NR3C2: variants seen among roughly 807,000 people sequenced by gnomAD.
The protein encoded by NR3C2 is mineralocorticoid receptor.
A neutral mutation model predicts 86.4 loss-of-function variants in NR3C2; 15 were observed. The ratio of observed to expected loss-of-function variants is 0.17; its 90% CI spans 0.12 to 0.27. NR3C2 has a LOEUF of 0.27. Among genes scored for constraint, NR3C2 ranks in the 10% least tolerant of loss-of-function variants. The probability of loss-of-function intolerance (pLI) is 1.00; values close to 1 mark genes in which losing one functional copy is unlikely to be tolerated. For synonymous variants in NR3C2, 458 were observed against 450.5 expected (o/e 1.02, Z -0.21); for missense variants, 960 against 1,195.6 (o/e 0.80, Z 2.91).
chr4:148,346,459 G>T (rs1015494658), intron 2 of NR3C2, among the ~76,000 whole-genome samples: 3 of 151,984 alleles, frequency 2.0e-5, no homozygotes, highest in Non-Finnish European at 4.4e-5. Flanking sequence ...CTGTAGACAG[G>T]CCGAGTCTGA....
Position 148,251,787 on chromosome 4 carries a change from C to T in NR3C2, c.1897+8191G>A, listed in dbSNP as rs72655224. 7.6e-3 allele frequency among the ~76,000 whole-genome samples: 1,153 copies of T among 152,218 alleles called. 14 individuals carry two copies. Among genetic ancestry groups the T allele is most frequent in the African/African-American group, 0.027 (1,102 of 41,526 alleles). ...TAGAGATTACCCAATTTCTTTTCCA[C>T]TAAGGCAACAGAAATTCAAATTAAG... is the stretch of plus-strand genomic sequence containing the variant. On this transcript the variant is annotated intron_variant, in intron 3 of 8. Transcript: ENST00000358102.
At chr4:148,197,609 C>T (rs184466342) in intron 3 of NR3C2, among the ~76,000 whole-genome samples, 28 of 152,130 alleles carry the variant, frequency 1.8e-4, no homozygotes, top group African/African-American at 6.7e-4. Flanking sequence ...AAAACAGAGA[C>T]CTTCAAATGC....
intron 2 of NR3C2, among the ~76,000 whole-genome samples, chr4:148,428,844 G>T (rs1749671096): frequency 6.6e-6 from 1 of 151,964 alleles, no homozygotes; most frequent in Non-Finnish European, 1.5e-5. Context: ...GCCCAATAAG[G>T]TTTCCCCAAG....
intron 2 of NR3C2, among the ~76,000 whole-genome samples, chr4:148,309,366 A>G (rs1742795969): frequency 6.6e-6 from 1 of 152,178 alleles, no homozygotes; most frequent in Non-Finnish European, 1.5e-5. Context: ...CCCTTAAATA[A>G]CCCACCATCT....
chr4:148,099,067 C>A (rs1277855958), intron 8 of NR3C2, among the ~76,000 whole-genome samples: 2 of 152,208 alleles, frequency 1.3e-5, no homozygotes, highest in Admixed American at 6.5e-5. Context: ...CTGGCCACAC[C>A]TGCAAGGTGT....
At chr4:148,297,530 C>G (rs1307402320) in intron 2 of NR3C2, among the ~76,000 whole-genome samples, 2 of 152,186 alleles carry the variant, frequency 1.3e-5, no homozygotes, top group African/African-American at 4.8e-5. Flanking sequence ...GAGGCCAAGA[C>G]AGGTGGATCA....
At chr4:148,442,597 A>T, upstream of NR3C2, 1 of 972,896 alleles carries the variant, frequency 1.0e-6, no homozygotes, top group Non-Finnish European at 1.2e-6. Context: ...GCCCGAAGAG[A>T]AGCAAGGCTC....
chr4:148,093,699 C>T (rs1330284707), intron 8 of NR3C2, among the ~76,000 whole-genome samples: 1 of 152,126 alleles, frequency 6.6e-6, no homozygotes, highest in African/African-American at 2.4e-5. Flanking sequence ...TTTATAAAGT[C>T]CAGGTGTTCC....
At chr4:148,242,483 A>G (rs1161572145) in intron 3 of NR3C2, among the ~76,000 whole-genome samples, 1 of 152,210 alleles carries the variant, frequency 6.6e-6, no homozygotes, top group Non-Finnish European at 1.5e-5. Context: ...TCTTTCCACT[A>G]AACTGTGAGC....
At chr4:148,285,597 C>T (rs1741480251) in intron 2 of NR3C2, among the ~76,000 whole-genome samples, 2 of 152,074 alleles carry the variant, frequency 1.3e-5, no homozygotes, top group Non-Finnish European at 2.9e-5. Flanking sequence ...GTCCCAGCTA[C>T]TCAGGAGGCT....
At chr4:148,130,327 C>A (rs967078040) in intron 6 of NR3C2, among the ~76,000 whole-genome samples, 3 of 152,224 alleles carry the variant, frequency 2.0e-5, no homozygotes, top group African/African-American at 7.2e-5. Flanking sequence ...CTTCCCAACT[C>A]TTCCACCTAT....
intron 3 of NR3C2, among the ~76,000 whole-genome samples, chr4:148,203,478 C>CCA (rs1361494420): frequency 2.0e-5 from 3 of 151,126 alleles, no homozygotes; most frequent in African/African-American, 7.3e-5. Flanking sequence ...GACAACTGCC[C>CCA]AGCAACAGCA....
chr4:148,435,265 T>A lies in NR3C2; in HGVS notation c.1596A>T (p.Thr532=), dbSNP rs764456570. 1.9e-6 allele frequency: 3 copies of A among 1,614,068 alleles called. No individual in the cohort carries two copies. Among genetic ancestry groups the A allele is most frequent in the Non-Finnish European group, 2.5e-6 (3 of 1,180,046 alleles). ...CTCTAGCCGATCGTGATAAAGATATTGTACCTTGAGCACCAATCCTGTAGT... is the reference window on the plus strand; with the variant it reads ...CTCTAGCCGATCGTGATAAAGATATAGTACCTTGAGCACCAATCCTGTAGT... ...SFHYRIGAQG[T]ISLSRSARDQ... The change falls in exon 2 of 9, where the codon ACA becomes ACT. Residue 532 remains threonine (T), a synonymous_variant. Coordinates refer to ENST00000358102, the MANE Select transcript of NR3C2 (RefSeq NM_000901.5).
intron 2 of NR3C2, among the ~76,000 whole-genome samples, chr4:148,319,204 T>C (rs1464007558): frequency 1.3e-5 from 2 of 152,088 alleles, no homozygotes; most frequent in Non-Finnish European, 2.9e-5. Context: ...TGGCATTATT[T>C]CTGAGGGCTC....
At chr4:148,189,672 T>C (rs1336306200) in intron 4 of NR3C2, among the ~76,000 whole-genome samples, 1 of 152,128 alleles carries the variant, frequency 6.6e-6, no homozygotes, top group Non-Finnish European at 1.5e-5. Flanking sequence ...TTGTTGACAA[T>C]TTTTTAGTTA....
At chr4:148,325,115 A>AGAGAGAGAGG (rs1457923943) in intron 2 of NR3C2, among the ~76,000 whole-genome samples, 5 of 109,592 alleles carry the variant, frequency 4.6e-5, no homozygotes, top group Non-Finnish European at 9.3e-5. Flanking sequence ...AGAGACAGAG[A>AGAGAGAGAGG]GAGAGAGAGG....
chr4:148,220,278 G>T (rs1737770026), intron 3 of NR3C2, among the ~76,000 whole-genome samples: 1 of 151,934 alleles, frequency 6.6e-6, no homozygotes, highest in Non-Finnish European at 1.5e-5. Flanking sequence ...TGTAGAGACG[G>T]GGTCTCACTA....
At chr4:148,102,102 T>A (rs1040410472) in intron 8 of NR3C2, among the ~76,000 whole-genome samples, 7 of 152,116 alleles carry the variant, frequency 4.6e-5, no homozygotes, top group Admixed American at 6.5e-5. Flanking sequence ...GGGCACACAC[T>A]CTCTTTTCTG....
intron 2 of NR3C2, among the ~76,000 whole-genome samples, chr4:148,429,745 T>C (rs1335366598): frequency 6.6e-6 from 1 of 152,258 alleles, no homozygotes; most frequent in Non-Finnish European, 1.5e-5. Flanking sequence ...AACATGCTTT[T>C]ATTTTTCCTC....
Sources: gnomAD v4.1 joint callset for allele counts (sites outside exome capture counted in the v4.1 genomes callset) on GRCh38, gnomAD v4.1.1 for gene constraint, MANE v1.5 for transcripts, NCBI Gene and HGNC (gene_info 2026-07-23, HGNC 2026-07-21) for gene names.